SCAI: variants seen among roughly 807,000 people sequenced by gnomAD.
The protein encoded by SCAI is protein SCAI.
A neutral mutation model predicts 92.2 loss-of-function variants in SCAI; 24 were observed. The ratio of observed to expected loss-of-function variants is 0.26; its 90% CI spans 0.19 to 0.37. The LOEUF (loss-of-function observed/expected upper bound fraction) is 0.37. SCAI is among the 10% of genes least tolerant of loss of function. SCAI has a pLI of 1.00. For synonymous variants in SCAI, 261 were observed against 258.6 expected, an observed-to-expected ratio of 1.01 and a Z score of -0.09; for missense variants, 450 against 736.2, an observed-to-expected ratio of 0.61 and a Z score of 4.50.
In SCAI at chr9:125,018,665, G is replaced by A. The variant is rs1029333715; in HGVS notation, c.861+134C>T. 13 of 699,432 alleles carry A rather than the reference G, an allele frequency of 1.9e-5. No individual in the cohort carries two copies. The Admixed American group carries it at 4.0e-4, about 21-fold the overall frequency. 43.3% of individuals were successfully genotyped at this position (699,432 alleles called of 1,614,324 possible). A position where few individuals can be genotyped will look rare whatever the true frequency, so the allele number is the denominator to read the frequency against. ...AATATCTGTAATATATTCCATATAT[G>A]CACACAGCATAATTTAATCAGCAAT... On this transcript the variant is annotated intron_variant, in intron 9 of 17. Coordinates refer to ENST00000336505, the MANE Select transcript of SCAI (RefSeq NM_001144877.3).
At chr9:125,025,892 T>C (rs1015047582) in intron 6 of SCAI, among the ~76,000 whole-genome samples, 1 of 152,250 alleles carries the variant, frequency 6.6e-6, no homozygotes, top group Non-Finnish European at 1.5e-5. Context: ...TTTTCTTCTA[T>C]TGCTAAGAGA....
At chr9:125,013,728 A>G (rs1367728684) in intron 9 of SCAI, among the ~76,000 whole-genome samples, 2 of 152,184 alleles carry the variant, frequency 1.3e-5, no homozygotes, top group Non-Finnish European at 2.9e-5. Context: ...CACAACCAAA[A>G]AAGAGAATTT....
intron 6 of SCAI, among the ~76,000 whole-genome samples, chr9:125,021,851 T>C (rs1263946101): frequency 6.6e-6 from 1 of 152,148 alleles, no homozygotes; most frequent in Non-Finnish European, 1.5e-5. Context: ...AGGAATCCTC[T>C]TGCCTCAGCC....
At chr9:125,080,666 T>C (rs916533658) in intron 2 of SCAI, among the ~76,000 whole-genome samples, 26 of 152,370 alleles carry the variant, frequency 1.7e-4, no homozygotes, top group African/African-American at 5.5e-4. Flanking sequence ...AGAGTTTATA[T>C]TATTTACCCC....
chr9:125,059,419 G>C (rs1833731282), intron 2 of SCAI, among the ~76,000 whole-genome samples: 1 of 152,170 alleles, frequency 6.6e-6, no homozygotes, highest in South Asian at 2.1e-4. Context: ...GGGGTCTAAG[G>C]ACTAGACAGG....
chr9:125,041,298 C>T (rs1833314682), intron 3 of SCAI, among the ~76,000 whole-genome samples: 2 of 152,116 alleles, frequency 1.3e-5, no homozygotes, highest in Admixed American at 6.5e-5. Flanking sequence ...GAGGTTACAT[C>T]AGGAAGACCT....
intron 2 of SCAI, among the ~76,000 whole-genome samples, chr9:125,130,935 G>GTTTTTTT (rs1564133509): frequency 1.1e-5 from 1 of 92,736 alleles, no homozygotes; most frequent in Non-Finnish European, 2.5e-5. Flanking sequence ...GGTTTGAACC[G>GTTTTTTT]CTTTTTTTTT....
intron 2 of SCAI, among the ~76,000 whole-genome samples, chr9:125,123,111 T>C (rs1225184053): frequency 6.6e-6 from 1 of 152,040 alleles, no homozygotes; most frequent in African/African-American, 2.4e-5. Flanking sequence ...CTTGCAATCC[T>C]AGCACTCTGG....
rs147365165 is a variant in SCAI at position 125,068,328 on chromosome 9, C to T, written c.99-12321G>A. On this transcript the variant is annotated intron_variant, in intron 2 of 17. Transcript: ENST00000336505. ...TCAACCTGGGCAACAAAGCAAGACCCCATCTCTACAAAAATTAAAAAATTA... is the reference window on the plus strand; with the variant it reads ...TCAACCTGGGCAACAAAGCAAGACCTCATCTCTACAAAAATTAAAAAATTA... Among the ~76,000 whole-genome samples, 644 of 151,842 alleles carry T rather than the reference C, an allele frequency of 4.2e-3. 2 individuals carry two copies. Among genetic ancestry groups the T allele is most frequent in the Non-Finnish European group, 7.8e-3 (529 of 67,936 alleles).
intron 3 of SCAI, among the ~76,000 whole-genome samples, chr9:125,042,634 TACACACACACAC>T (rs1554783862): frequency 3.1e-5 from 3 of 96,192 alleles, no homozygotes; most frequent in African/African-American, 7.8e-5. Context: ...TGTGTGTGTG[TACACACACACAC>T]ACACACACAC....
At chr9:125,135,871 A>G (rs901801942) in intron 2 of SCAI, among the ~76,000 whole-genome samples, 5 of 149,816 alleles carry the variant, frequency 3.3e-5, no homozygotes, top group African/African-American at 1.2e-4. Flanking sequence ...CAGGAGGCTG[A>G]GGCAGGAGGA....
At chr9:125,128,565 AAC>A (rs1395547996) in intron 2 of SCAI, among the ~76,000 whole-genome samples, 3 of 150,688 alleles carry the variant, frequency 2.0e-5, no homozygotes, top group Non-Finnish European at 4.4e-5. Context: ...CATCCTGGCT[AAC>A]ACAGTGAAAT....
At chr9:125,108,704 C>A (rs565040380) in intron 2 of SCAI, among the ~76,000 whole-genome samples, 1 of 146,282 alleles carries the variant, frequency 6.8e-6, no homozygotes, top group Non-Finnish European at 1.5e-5. Context: ...AGTGAGGAAC[C>A]CCTCCGCCCG....
At chr9:125,130,759 A>G (rs1490752845) in intron 2 of SCAI, among the ~76,000 whole-genome samples, 2 of 151,538 alleles carry the variant, frequency 1.3e-5, no homozygotes, top group Admixed American at 1.3e-4. Context: ...CTGGGATTAC[A>G]GGTGTGACCC....
chr9:124,986,587 G>A (rs781728943), intron 14 of SCAI, among the ~76,000 whole-genome samples: 1 of 152,176 alleles, frequency 6.6e-6, no homozygotes, highest in Non-Finnish European at 1.5e-5. Flanking sequence ...AAGGTGAGGA[G>A]AGAGAAGCTT....
At chr9:125,084,675 G>T (rs1169602696) in intron 2 of SCAI, among the ~76,000 whole-genome samples, 3 of 152,112 alleles carry the variant, frequency 2.0e-5, no homozygotes, top group Non-Finnish European at 4.4e-5. Context: ...ACCCCTTCAG[G>T]ATTTCCCTTT....
intron 3 of SCAI, among the ~76,000 whole-genome samples, chr9:125,047,374 C>T (rs1260320525): frequency 6.6e-6 from 1 of 152,082 alleles, no homozygotes. Flanking sequence ...CTTGGACTTC[C>T]GGCCTCCAGA....
intron 3 of SCAI, 143 bp downstream of exon 3, chr9:125,055,733 G>A (rs1354161756): frequency 5.9e-6 from 3 of 504,472 alleles, no homozygotes; most frequent in Admixed American, 7.8e-5. Context: ...TAAAAATGAT[G>A]TCAAAGAAAA....
chr9:125,098,195 C>G (rs534624673), intron 2 of SCAI, among the ~76,000 whole-genome samples: 1 of 152,008 alleles, frequency 6.6e-6, no homozygotes, highest in Non-Finnish European at 1.5e-5. Flanking sequence ...GCTGGGACTA[C>G]AGATGCACAC....
Sources: gnomAD v4.1 joint callset for allele counts (sites outside exome capture counted in the v4.1 genomes callset) on GRCh38, gnomAD v4.1.1 for gene constraint, MANE v1.5 for transcripts, NCBI Gene and HGNC (gene_info 2026-07-23, HGNC 2026-07-21) for gene names.